The following CTHRC1 variants were observed in gnomAD, a reference collection of about 807,000 sequenced individuals.
The protein encoded by CTHRC1 is collagen triple helix repeat-containing protein 1.
CTHRC1 carries 21 observed loss-of-function variants against 25.9 expected under a neutral mutation model. That is an observed-to-expected ratio of 0.81 (90% CI 0.57 to 1.17). The LOEUF is 1.17. Among genes scored for constraint, CTHRC1 ranks in the 50% most tolerant of loss-of-function variants. The probability of loss-of-function intolerance (pLI) is 0.00; values close to 1 mark genes in which losing one functional copy is unlikely to be tolerated. For missense variants in CTHRC1, 281 were observed against 304.3 expected, an observed-to-expected ratio of 0.92 and a Z score of 0.57; for synonymous variants, 109 against 113.1, an observed-to-expected ratio of 0.96 and a Z score of 0.23.
intron 3 of CTHRC1, among the ~76,000 whole-genome samples, chr8:103,382,048 AGAT>A (rs1815921625): frequency 6.6e-6 from 1 of 152,120 alleles, no homozygotes; most frequent in Non-Finnish European, 1.5e-5. Context: ...ACTTATCAGC[AGAT>A]AAGTGTCGGA....
In CTHRC1 at chr8:103,378,247, T is replaced by C; in HGVS notation, c.589+4T>C. ...AATATTCATCGCACTTCTTCTGGTA[T>C]GTAAAATTGTGACATTGCAAGATGT... On this transcript the variant is annotated splice_donor_region_variant and intron_variant, in intron 3 of 3. Coordinates refer to ENST00000330295, the MANE Select transcript of CTHRC1 (RefSeq NM_138455.4). 6.2e-7 allele frequency: 1 copy of C among 1,606,664 alleles called. No individual in the cohort carries two copies. The highest frequency in any genetic ancestry group is 8.5e-7 in the Non-Finnish European group (1 of 1,176,086).
chr8:103,373,233 T>A (rs1018802004), intron 1 of CTHRC1, among the ~76,000 whole-genome samples: 2 of 152,208 alleles, frequency 1.3e-5, no homozygotes, highest in African/African-American at 4.8e-5. Flanking sequence ...TTGGAAAAGA[T>A]TTTGCAGTCA....
chr8:103,375,406 G>A (rs1230684569), intron 1 of CTHRC1, among the ~76,000 whole-genome samples: 1 of 152,106 alleles, frequency 6.6e-6, no homozygotes, highest in African/African-American at 2.4e-5. Context: ...GAAGAAAAAA[G>A]CAGAATATCA....
chr8:103,376,001 T>G (rs1274905242), intron 2 of CTHRC1, 42 bp downstream of exon 2: 1 of 1,477,450 alleles, frequency 6.8e-7, no homozygotes, highest in East Asian at 2.4e-5. Flanking sequence ...GATTTAAGGG[T>G]TTTCATATTT....
chr8:103,376,902 G>A (rs1357630401), intron 2 of CTHRC1, among the ~76,000 whole-genome samples: 9 of 152,226 alleles, frequency 5.9e-5, no homozygotes, highest in African/African-American at 2.2e-4. Context: ...GTTCATGTGT[G>A]TTTCTAGAAA....
At chr8:103,375,717 G>C in intron 1 of CTHRC1, 21 bp from the exon 2 acceptor site, 1 of 1,596,726 alleles carries the variant, frequency 6.3e-7, no homozygotes, top group Non-Finnish European at 8.6e-7. Flanking sequence ...AGTTTTCTTT[G>C]CCTTTTCTTT....
Position 103,371,782 on chromosome 8 carries a change from C to A in CTHRC1, c.126C>A (p.Leu42=). ...CCAAGGGGAAGCAAAAGGCGCAGCT[C>A]CGGCAGAGGGAGGTGGTGGACCTGG... ...EIPKGKQKAQ[L]RQREVVDLYN... Residue 42 remains leucine, a synonymous_variant, in exon 1 of 4, where the codon CTC becomes CTA. Transcript: ENST00000330295. 6.5e-7 allele frequency: 1 copy of A among 1,533,872 alleles called. No homozygotes were observed. The highest frequency in any genetic ancestry group is 1.2e-5 in the South Asian group (1 of 82,248).
At chr8:103,376,359 A>T (rs542806029) in intron 2 of CTHRC1, among the ~76,000 whole-genome samples, 1 of 152,338 alleles carries the variant, frequency 6.6e-6, no homozygotes, top group South Asian at 2.1e-4. Context: ...TTGATCTGGA[A>T]GCAGAAGTCC....
intron 3 of CTHRC1, among the ~76,000 whole-genome samples, 183 bp downstream of exon 3, chr8:103,378,426 G>A (rs1815848017): frequency 6.6e-6 from 1 of 152,168 alleles, no homozygotes; most frequent in Admixed American, 6.5e-5. Flanking sequence ...ATACATAGAT[G>A]CCTGGGCCCT....
At chr8:103,376,048 A>T (rs6468870) in intron 2 of CTHRC1, 89 bp downstream of exon 2, 222,214 of 1,023,300 alleles carry the variant, frequency 0.22, 26,290 homozygotes, top group African/African-American at 0.43. Context: ...ATTTTTTTTT[A>T]ACTAAAAGAC....
chr8:103,375,099 G>C (rs879411362), intron 1 of CTHRC1, among the ~76,000 whole-genome samples: 10 of 152,132 alleles, frequency 6.6e-5, no homozygotes, highest in Non-Finnish European at 1.0e-4. Flanking sequence ...TGAGAGGCCA[G>C]AAATGTTATC....
chr8:103,373,183 G>T (rs1815741228), intron 1 of CTHRC1, among the ~76,000 whole-genome samples: 1 of 152,164 alleles, frequency 6.6e-6, no homozygotes, highest in South Asian at 2.1e-4. Context: ...CCCCTTCAAG[G>T]ATTTACAGTA....
rs750615097 is a variant in CTHRC1 at position 103,378,169 on chromosome 8, T to C, written c.515T>C (p.Ile172Thr). The change falls in exon 3 of 4, where the codon ATT (isoleucine) becomes ACT (threonine). Residue 172 changes from isoleucine to threonine, a missense_variant. Coordinates refer to ENST00000330295, the MANE Select transcript of CTHRC1 (RefSeq NM_138455.4). ...NGAECSGPLP[I>T]EAIIYLDQGS... ...GCTGAATGTTCAGGACCTCTTCCCATTGAAGCTATAATTTATTTGGACCAA... is the reference window on the plus strand; with the variant it reads ...GCTGAATGTTCAGGACCTCTTCCCACTGAAGCTATAATTTATTTGGACCAA... 1 of 1,614,174 alleles carries C rather than the reference T, an allele frequency of 6.2e-7. No individual in the cohort carries two copies. The highest frequency in any genetic ancestry group is 8.5e-7 in the Non-Finnish European group (1 of 1,179,998).
In CTHRC1 at chr8:103,375,880, T is replaced by A. The variant is rs749448992; in HGVS notation, c.293T>A (p.Phe98Tyr). 43 of 1,613,988 alleles carry A rather than the reference T, an allele frequency of 2.7e-5. No homozygotes were observed. Among genetic ancestry groups the A allele is most frequent in the Non-Finnish European group, 3.4e-5 (40 of 1,180,030 alleles). ...AAGGGGGAATGTCTGAGGGAAAGCT[T>A]TGAGGAGTCCTGGACACCCAACTAC... ...GEKGECLRESFEESWTPNYKQ... is the reference protein window; with the variant it reads ...GEKGECLRESYEESWTPNYKQ... The change falls in exon 2 of 4, where the codon TTT becomes TAT. Residue 98 changes from phenylalanine to tyrosine, a missense_variant. By Grantham distance (22) the Phe-to-Tyr change is conservative (BLOSUM62 3). Coordinates refer to ENST00000330295, the MANE Select transcript of CTHRC1 (RefSeq NM_138455.4).
At chr8:103,372,257 TC>T (rs1815720622) in intron 1 of CTHRC1, among the ~76,000 whole-genome samples, 1 of 152,172 alleles carries the variant, frequency 6.6e-6, no homozygotes, top group Non-Finnish European at 1.5e-5. Context: ...GTGCAACGTG[TC>T]CTTTGTTGGG....
chr8:103,375,804 G>A lies in CTHRC1; in HGVS notation c.217G>A (p.Gly73Ser), dbSNP rs1378373738. 6.2e-7 allele frequency: 1 copy of A among 1,614,002 alleles called. No homozygotes were observed. Among genetic ancestry groups the A allele is most frequent in the Non-Finnish European group, 8.5e-7 (1 of 1,180,030 alleles). ...TCGAGACGGGAGCCCTGGGGCCAAT[G>A]GCATTCCGGGTACACCTGGGATCCC... ...PGRDGSPGAN[G>S]IPGTPGIPGR... is the part of the protein sequence containing the mutation. Residue 73 changes from glycine (G) to serine (S), a missense_variant, in exon 2 of 4, where the codon GGC becomes AGC. Coordinates refer to ENST00000330295, the MANE Select transcript of CTHRC1 (RefSeq NM_138455.4).
chr8:103,372,405 C>CA, intron 1 of CTHRC1: 1 of 1,439,248 alleles, frequency 6.9e-7, no homozygotes, highest in Middle Eastern at 2.6e-4. Context: ...CTTTGTTGGA[C>CA]AACCACAGCT....
In CTHRC1 at chr8:103,382,658, A is replaced by C; in HGVS notation, c.*58A>C. On this transcript the variant is annotated 3_prime_UTR_variant, in exon 4 of 4. Transcript: ENST00000330295. ...TATTATGCCTTGGAATGGTTCACTTAAATGACATTTTAAATAAGTTTATGT... is the reference window on the plus strand; with the variant it reads ...TATTATGCCTTGGAATGGTTCACTTCAATGACATTTTAAATAAGTTTATGT... 1 of 1,427,950 alleles carries C rather than the reference A, an allele frequency of 7.0e-7. No homozygotes were observed. The highest frequency in any genetic ancestry group is 1.1e-5 in the South Asian group (1 of 87,052). The allele number at this position is 1,427,950 out of a possible 1,614,324, so 88.5% of individuals were successfully genotyped here.
chr8:103,377,904 A>T, intron 2 of CTHRC1, 123 bp from the exon 3 acceptor site: 1 of 887,090 alleles, frequency 1.1e-6, no homozygotes, highest in Non-Finnish European at 1.8e-6. Context: ...ACACCCGGCC[A>T]AGTTAAACTT....
Sources: gnomAD v4.1 joint callset for allele counts (sites outside exome capture counted in the v4.1 genomes callset) on GRCh38, gnomAD v4.1.1 for gene constraint, MANE v1.5 for transcripts, NCBI Gene and HGNC (gene_info 2026-07-23, HGNC 2026-07-21) for gene names.